Variants in PRKCE observed in about 807,000 individuals in gnomAD.
PRKCE encodes the protein protein kinase C epsilon.
A neutral mutation model predicts 85.4 loss-of-function variants in PRKCE; 16 were observed. The ratio of observed to expected loss-of-function variants is 0.19; its 90% CI spans 0.13 to 0.28. The LOEUF (loss-of-function observed/expected upper bound fraction) is 0.28. PRKCE is among the 10% of genes least tolerant of loss of function. PRKCE has a pLI of 1.00. For missense variants in PRKCE, 573 were observed against 975.2 expected (o/e 0.59, Z 5.49); for synonymous variants, 388 against 371.5 (o/e 1.04, Z -0.51).
At position 45,663,600 on chromosome 2, in the gene PRKCE, A is replaced by G. The variant is rs191334234; in HGVS notation, c.348+11152A>G. Among the ~76,000 whole-genome samples, 359 of 152,238 alleles carry G rather than the reference A, an allele frequency of 2.4e-3. 1 individual carries two copies. The highest frequency in any genetic ancestry group is 0.012 in the South Asian group (57 of 4,824). On this transcript the variant is annotated intron_variant, in intron 1 of 14. Transcript: ENST00000306156. ...AGATCGAGACCATCCTGGCTAACAC[A>G]GTGAAACCCCATCTCTACTAAAAAT...
intron 4 of PRKCE, 84 bp from the exon 5 acceptor site, chr2:45,980,212 A>G: frequency 7.5e-7 from 1 of 1,334,636 alleles, no homozygotes; most frequent in Non-Finnish European, 1.0e-6. Flanking sequence ...TCCCCTTGTC[A>G]CTCCACCAAG....
At chr2:46,163,591 G>A (rs1223002238) in intron 14 of PRKCE, among the ~76,000 whole-genome samples, 21 of 118,618 alleles carry the variant, frequency 1.8e-4, no homozygotes, top group Non-Finnish European at 3.4e-4. Flanking sequence ...CCCCACAGAG[G>A]CCACTGAGAG....
chr2:45,780,704 C>T (rs1686112954), intron 1 of PRKCE, among the ~76,000 whole-genome samples: 1 of 152,192 alleles, frequency 6.6e-6, no homozygotes, highest in Non-Finnish European at 1.5e-5. Context: ...CCATGGGTGG[C>T]CCACCCAATC....
At chr2:46,075,389 C>G (rs1175827899) in intron 10 of PRKCE, among the ~76,000 whole-genome samples, 1 of 152,044 alleles carries the variant, frequency 6.6e-6, no homozygotes, top group Admixed American at 6.5e-5. Context: ...CGGCCGCAAA[C>G]AGCTGGCTAC....
intron 1 of PRKCE, among the ~76,000 whole-genome samples, chr2:45,707,782 C>A (rs1679238875): frequency 6.6e-6 from 1 of 152,228 alleles, no homozygotes; most frequent in Non-Finnish European, 1.5e-5. Context: ...CACAGACGAG[C>A]TGAGAGTCTG....
intron 2 of PRKCE, among the ~76,000 whole-genome samples, chr2:45,910,964 T>C (rs1281678570): frequency 6.6e-6 from 1 of 152,054 alleles, no homozygotes; most frequent in Non-Finnish European, 1.5e-5. Context: ...AATGGGAGAC[T>C]GGGGAATGGA....
Position 45,704,164 on chromosome 2 carries a change from C to G in PRKCE, c.348+51716C>G, listed in dbSNP as rs1172169288. 2.6e-5 allele frequency among the ~76,000 whole-genome samples: 4 copies of G among 152,196 alleles called. No individual in the cohort carries two copies. In the East Asian group the frequency reaches 7.7e-4, roughly 29 times the overall value. ...TAGTGGAATTATTAGCATTTTACCT[C>G]CATTTACTCCTTTCATTGTTTTTAG... On this transcript the variant is annotated intron_variant, in intron 1 of 14. Coordinates refer to ENST00000306156, the MANE Select transcript of PRKCE (RefSeq NM_005400.3).
At position 45,853,791 on chromosome 2, in the gene PRKCE, A is replaced by G. The variant is rs187841692; in HGVS notation, c.412+10728A>G. Among the ~76,000 whole-genome samples, 5 of 152,312 alleles carry G rather than the reference A, an allele frequency of 3.3e-5. No individual in the cohort carries two copies. The East Asian group carries it at 9.6e-4, about 29-fold the overall frequency. On this transcript the variant is annotated intron_variant, in intron 2 of 14. Transcript: ENST00000306156. ...CATATTCCACTGTACAATCAATTTCATGAGTGGGCATGGATCTGAATGTTT... is the reference window on the plus strand; with the variant it reads ...CATATTCCACTGTACAATCAATTTCGTGAGTGGGCATGGATCTGAATGTTT...
At chr2:45,753,426 G>T (rs994356471) in intron 1 of PRKCE, among the ~76,000 whole-genome samples, 9 of 152,116 alleles carry the variant, frequency 5.9e-5, no homozygotes, top group African/African-American at 2.2e-4. Flanking sequence ...AAACATTTCT[G>T]TCCATGTTTT....
At chr2:45,886,312 G>C (rs1244681174) in intron 2 of PRKCE, among the ~76,000 whole-genome samples, 1 of 152,194 alleles carries the variant, frequency 6.6e-6, no homozygotes, top group Admixed American at 6.5e-5. Context: ...GCCTGTGTCT[G>C]GCTGCTGTCT....
At chr2:45,739,211 A>G (rs1372316138) in intron 1 of PRKCE, among the ~76,000 whole-genome samples, 1 of 152,222 alleles carries the variant, frequency 6.6e-6, no homozygotes, top group African/African-American at 2.4e-5. Context: ...AGCAGAAGTC[A>G]CTGGGAAGGC....
chr2:46,138,043 C>T lies in PRKCE; in HGVS notation c.1593-7050C>T, dbSNP rs1367160012. Among the ~76,000 whole-genome samples the T allele has an allele frequency of 6.6e-6, 1 of 152,160 alleles. No individual in the cohort carries two copies. Among genetic ancestry groups the T allele is most frequent in the African/African-American group, 2.4e-5 (1 of 41,438 alleles). On this transcript the variant is annotated intron_variant, in intron 11 of 14. Transcript: ENST00000306156. This position sits in a 1 kb window ranked among gnomAD's most constrained non-coding sequence, Gnocchi z 4.2. ...TGTTTTTCCCCTGAGACTATTACTG[C>T]TAGGACTTATTTCTTTCCTGCTCAG...
chr2:45,918,691 C>T (rs1395589201), intron 2 of PRKCE, among the ~76,000 whole-genome samples: 1 of 152,120 alleles, frequency 6.6e-6, no homozygotes, highest in Non-Finnish European at 1.5e-5. Flanking sequence ...ACTAAAGGCA[C>T]ATGTAGGAAT....
intron 10 of PRKCE, among the ~76,000 whole-genome samples, chr2:46,083,712 C>T (rs1036525500): frequency 3.3e-5 from 5 of 152,188 alleles, no homozygotes; most frequent in African/African-American, 4.8e-5. Context: ...TTTCAGACTC[C>T]GCCCCAGATC....
Position 46,106,060 on chromosome 2 carries a change from T to C in PRKCE, c.1592+19698T>C, listed in dbSNP as rs371867278. 1.6e-4 allele frequency among the ~76,000 whole-genome samples: 24 copies of C among 152,350 alleles called. 1 individual carries two copies. In the East Asian group the frequency reaches 1.7e-3, roughly 11 times the overall value. ...TAACTTGTGCTTAACTTTTTCAATA[T>C]TTCTAGGCTATGTGGTTTGTCTGCA... is the stretch of plus-strand genomic sequence containing the variant. On this transcript the variant is annotated intron_variant, in intron 11 of 14. Coordinates refer to ENST00000306156, the MANE Select transcript of PRKCE (RefSeq NM_005400.3).
At chr2:45,778,395 C>A (rs1010123318) in intron 1 of PRKCE, among the ~76,000 whole-genome samples, 9 of 152,050 alleles carry the variant, frequency 5.9e-5, no homozygotes, top group African/African-American at 1.9e-4. Flanking sequence ...TCTGGGAGAC[C>A]CTGATGGGGA....
At chr2:45,724,131 T>A (rs1357614604) in intron 1 of PRKCE, among the ~76,000 whole-genome samples, 1 of 152,244 alleles carries the variant, frequency 6.6e-6, no homozygotes, top group Non-Finnish European at 1.5e-5. Context: ...ATTGGAAGTT[T>A]GTGGCAAGCC....
intron 10 of PRKCE, among the ~76,000 whole-genome samples, chr2:46,019,142 C>T (rs919147328): frequency 6.6e-6 from 1 of 152,350 alleles, no homozygotes; most frequent in South Asian, 2.1e-4. Flanking sequence ...CTTTGAATAA[C>T]CTGATTTTGT....
intron 1 of PRKCE, among the ~76,000 whole-genome samples, chr2:45,764,969 G>A (rs936399576): frequency 6.6e-6 from 1 of 152,150 alleles, no homozygotes; most frequent in Non-Finnish European, 1.5e-5. Context: ...GACATCAAGA[G>A]CAGAGCAAAC....
Sources: allele counts gnomAD v4.1 joint callset (sites outside exome capture counted in the v4.1 genomes callset), GRCh38; gene constraint gnomAD v4.1.1; non-coding constraint Gnocchi (gnomAD v3.1); transcripts MANE v1.5; gene names NCBI Gene and HGNC (gene_info 2026-07-23, HGNC 2026-07-21).